Variants in ATP6V1A observed in about 807,000 individuals in gnomAD.
ATP6V1A encodes the protein V-type proton ATPase catalytic subunit A.
A neutral mutation model predicts 70.1 loss-of-function variants in ATP6V1A; 18 were observed. The observed-to-expected ratio is 0.26, with a 90% CI of 0.18 to 0.38. ATP6V1A has a LOEUF of 0.38. ATP6V1A is among the 10% of genes least tolerant of loss of function. The pLI, the probability that ATP6V1A is intolerant of heterozygous loss-of-function variation, is 1.00. For missense variants in ATP6V1A, 424 were observed against 772.4 expected, an observed-to-expected ratio of 0.55 and a Z score of 5.35; for synonymous variants, 232 against 253.8, an observed-to-expected ratio of 0.91 and a Z score of 0.82.
chr3:113,806,322 A>C (rs1162026753), intron 14 of ATP6V1A, among the ~76,000 whole-genome samples: 1 of 152,208 alleles, frequency 6.6e-6, no homozygotes, highest in African/African-American at 2.4e-5. Context: ...CTTAGTTGCC[A>C]GGCAAATTAG....
chr3:113,751,590 A>G (rs1007233003), intron 1 of ATP6V1A, among the ~76,000 whole-genome samples: 4 of 151,786 alleles, frequency 2.6e-5, no homozygotes, highest in Admixed American at 1.3e-4. Context: ...TCTGAAGAGA[A>G]TATTAGTTTT....
chr3:113,809,307 G>T (rs762376921), intron 14 of ATP6V1A, 28 bp from the exon 15 acceptor site: 1 of 1,568,106 alleles, frequency 6.4e-7, no homozygotes, highest in South Asian at 1.1e-5. Flanking sequence ...TTCCAAATGC[G>T]AGTTGAATTT....
intron 3 of ATP6V1A, among the ~76,000 whole-genome samples, chr3:113,783,990 A>T (rs1006880403): frequency 6.6e-6 from 1 of 152,230 alleles, no homozygotes; most frequent in Non-Finnish European, 1.5e-5. Context: ...TAGGACGTAT[A>T]TACATATTAG....
rs1709333261 is a variant in ATP6V1A at position 113,810,772 on chromosome 3, T to C, written c.*1345T>C. 1 of 152,230 alleles carries C rather than the reference T, an allele frequency of 6.6e-6. No individual in the cohort carries two copies. The highest frequency in any genetic ancestry group is 2.4e-5 in the African/African-American group (1 of 41,452). 9.4% of individuals were successfully genotyped at this position (152,230 alleles called of 1,614,324 possible). On this transcript the variant is annotated 3_prime_UTR_variant, in exon 15 of 15. Coordinates refer to ENST00000273398, the MANE Select transcript of ATP6V1A (RefSeq NM_001690.4). ...ATTATGTTTTTACAAAATAATGACA[T>C]ATGTCACATGTTTGCATGTTTGTTT...
intron 12 of ATP6V1A, 64 bp downstream of exon 12, chr3:113,798,510 T>A (rs575120642): frequency 3.1e-4 from 463 of 1,492,078 alleles, no homozygotes; most frequent in Middle Eastern, 8.7e-4. Context: ...CAAGGACAGA[T>A]AGAGCCTTGG....
At chr3:113,786,778 T>TC (rs971532068) in intron 6 of ATP6V1A, among the ~76,000 whole-genome samples, 20 of 140,880 alleles carry the variant, frequency 1.4e-4, no homozygotes, top group African/African-American at 3.0e-4. Flanking sequence ...TTCTTCTTCT[T>TC]TTTTTTTTTT....
At chr3:113,786,451 T>A in intron 6 of ATP6V1A, 68 bp downstream of exon 6, 1 of 1,508,464 alleles carries the variant, frequency 6.6e-7, no homozygotes, top group Non-Finnish European at 9.1e-7. Context: ...TTTATTATCT[T>A]TATAGATAAA....
At position 113,795,666 on chromosome 3, in the gene ATP6V1A, A is replaced by G. The variant is rs116411090; in HGVS notation, c.1227-210A>G. ...TAATAGAAGGTGTTCTGTAGTTTCT[A>G]TTGTTGTTTACAACTTAAATACTGG... is the stretch of plus-strand genomic sequence containing the variant. On this transcript the variant is annotated intron_variant, in intron 10 of 14. Coordinates refer to ENST00000273398, the MANE Select transcript of ATP6V1A (RefSeq NM_001690.4). Among the ~76,000 whole-genome samples the G allele has an allele frequency of 0.014, 2,124 of 152,056 alleles. 47 individuals are homozygous for G. Among genetic ancestry groups the G allele is most frequent in the African/African-American group, 0.048 (2,005 of 41,510 alleles).
intron 11 of ATP6V1A, among the ~76,000 whole-genome samples, chr3:113,797,471 G>A (rs536952806): frequency 4.0e-5 from 6 of 150,634 alleles, no homozygotes; most frequent in Non-Finnish European, 5.9e-5. Context: ...GGCCAGGCTG[G>A]TCTCGAACTC....
intron 3 of ATP6V1A, among the ~76,000 whole-genome samples, chr3:113,783,905 A>C (rs576628842): frequency 1.9e-4 from 29 of 152,304 alleles, no homozygotes; most frequent in Middle Eastern, 3.4e-3. Context: ...AGAATTATGG[A>C]TATTTAGGAC....
chr3:113,766,498 T>G (rs1201970397), intron 1 of ATP6V1A, among the ~76,000 whole-genome samples: 1 of 152,188 alleles, frequency 6.6e-6, no homozygotes, highest in Non-Finnish European at 1.5e-5. Context: ...TCTCACTATG[T>G]TACCTATTCT....
intron 1 of ATP6V1A, among the ~76,000 whole-genome samples, chr3:113,763,017 T>G (rs1365796532): frequency 6.6e-6 from 1 of 152,178 alleles, no homozygotes; most frequent in African/African-American, 2.4e-5. Flanking sequence ...AAACCCAAAT[T>G]GACCTTTTCT....
intron 12 of ATP6V1A, among the ~76,000 whole-genome samples, chr3:113,800,842 G>A (rs1435601300): frequency 6.6e-6 from 1 of 152,126 alleles, no homozygotes; most frequent in Non-Finnish European, 1.5e-5. Flanking sequence ...CATTGGGAGA[G>A]GAAGTTTGTG....
intron 1 of ATP6V1A, among the ~76,000 whole-genome samples, chr3:113,760,348 TTATG>T (rs1291638282): frequency 2.6e-5 from 4 of 152,218 alleles, no homozygotes; most frequent in African/African-American, 9.6e-5. Flanking sequence ...GTGAACCTAT[TTATG>T]TAACACTCTC....
intron 1 of ATP6V1A, among the ~76,000 whole-genome samples, chr3:113,775,712 T>C (rs575237968): frequency 6.6e-6 from 1 of 152,352 alleles, no homozygotes; most frequent in Admixed American, 6.5e-5. Flanking sequence ...TCATGCTGTT[T>C]CCACTTTAAT....
intron 3 of ATP6V1A, among the ~76,000 whole-genome samples, chr3:113,783,652 A>G (rs1218519865): frequency 1.3e-5 from 2 of 152,192 alleles, no homozygotes; most frequent in Admixed American, 6.5e-5. Flanking sequence ...TTTTGAGGCA[A>G]ACACAGGAAT....
chr3:113,753,586 C>T (rs963317975), intron 1 of ATP6V1A, among the ~76,000 whole-genome samples: 2 of 151,862 alleles, frequency 1.3e-5, no homozygotes, highest in Non-Finnish European at 2.9e-5. Flanking sequence ...AAATTATGGC[C>T]GAGGCATTTT....
At chr3:113,804,622 A>G (rs1235970426) in intron 13 of ATP6V1A, among the ~76,000 whole-genome samples, 2 of 152,224 alleles carry the variant, frequency 1.3e-5, no homozygotes, top group African/African-American at 4.8e-5. Context: ...CAAGCAGTAA[A>G]TATGCCTGTA....
intron 12 of ATP6V1A, 33 bp from the exon 13 acceptor site, chr3:113,803,550 G>A (rs1709239393): frequency 6.8e-7 from 1 of 1,480,790 alleles, no homozygotes; most frequent in South Asian, 1.2e-5. Flanking sequence ...ACATTTTAGA[G>A]TAAATGTCTA....
Sources: gnomAD v4.1 joint callset for allele counts (sites outside exome capture counted in the v4.1 genomes callset) on GRCh38, gnomAD v4.1.1 for gene constraint, MANE v1.5 for transcripts, NCBI Gene and HGNC (gene_info 2026-07-23, HGNC 2026-07-21) for gene names.